The following LACTB variants were observed in gnomAD, a reference collection of about 807,000 sequenced individuals.
The protein encoded by LACTB is lactamase beta, also known as serine beta-lactamase-like protein LACTB, mitochondrial.
In LACTB, 35 loss-of-function variants were observed where a neutral mutation model predicts 50.2. The observed-to-expected ratio is 0.70, with a 90% CI of 0.53 to 0.92. LACTB has a LOEUF of 0.92. Ranked by LOEUF, LACTB falls within the 40% of genes least tolerant of loss-of-function variation. The pLI, the probability that LACTB is intolerant of heterozygous loss-of-function variation, is 0.00. For synonymous variants in LACTB, 252 were observed against 268.2 expected, an observed-to-expected ratio of 0.94 and a Z score of 0.59; for missense variants, 664 against 691.8, an observed-to-expected ratio of 0.96 and a Z score of 0.45.
At chr15:63,128,461 A>G (rs2729823) in intron 4 of LACTB, among the ~76,000 whole-genome samples, 114,235 of 151,826 alleles carry the variant, frequency 0.75, 43,356 homozygotes, top group East Asian at 1. Flanking sequence ...AGCCAGGTTC[A>G]GTGGCCTGTG....
chr15:63,133,743 T>C (rs749434251), intron 5 of LACTB, among the ~76,000 whole-genome samples: 7 of 152,242 alleles, frequency 4.6e-5, no homozygotes, highest in Non-Finnish European at 7.3e-5. Context: ...ACAGATTTCT[T>C]GTCTGAACTG....
chr15:63,134,332 A>C (rs1048755719), intron 5 of LACTB, among the ~76,000 whole-genome samples: 2 of 152,184 alleles, frequency 1.3e-5, no homozygotes, highest in South Asian at 4.1e-4. Flanking sequence ...AGGGGCACCA[A>C]AATGCAGTGG....
intron 2 of LACTB, among the ~76,000 whole-genome samples, chr15:63,126,332 G>C (rs1381262087): frequency 6.6e-6 from 1 of 152,100 alleles, no homozygotes; most frequent in Non-Finnish European, 1.5e-5. Flanking sequence ...AGTAGAGACG[G>C]GGTTTTACCA....
chr15:63,130,462 C>T (rs977570952), intron 5 of LACTB: 6 of 147,080 alleles, frequency 4.1e-5, no homozygotes, highest in African/African-American at 1.5e-4. Flanking sequence ...AAGCCAAGAT[C>T]GTGCCCCTGC....
At chr15:63,128,280 T>C (rs1206489630) in intron 4 of LACTB, among the ~76,000 whole-genome samples, 2 of 152,206 alleles carry the variant, frequency 1.3e-5, no homozygotes, top group African/African-American at 2.4e-5. Context: ...AAATAAGATA[T>C]AATTATGGAT....
At chr15:63,123,305 G>A (rs1018510521) in intron 2 of LACTB, among the ~76,000 whole-genome samples, 1 of 152,172 alleles carries the variant, frequency 6.6e-6, no homozygotes, top group African/African-American at 2.4e-5. Flanking sequence ...AGTACTTGCA[G>A]GTAACACTTA....
intron 5 of LACTB, among the ~76,000 whole-genome samples, chr15:63,134,968 G>A (rs910285638): frequency 6.6e-6 from 1 of 152,190 alleles, no homozygotes; most frequent in Non-Finnish European, 1.5e-5. Flanking sequence ...ATTTGTGAAA[G>A]GGGCTTTGGA....
chr15:63,122,041 C>G lies in LACTB; in HGVS notation c.170C>G (p.Ala57Gly), dbSNP rs1009327150. The G allele has an allele frequency of 2.1e-6, 3 of 1,420,434 alleles. No homozygotes were observed. Among genetic ancestry groups the G allele is most frequent in the Non-Finnish European group, 2.7e-6 (3 of 1,095,952 alleles). The allele number at this position is 1,420,434 out of a possible 1,614,324, so 88.0% of individuals were successfully genotyped here. ...GLGLALGVKL[A>G]GGLRGAAPAQ... ...GGGCTGGCGCTCGGGGTGAAGCTGG[C>G]AGGTGGGCTGAGGGGCGCGGCCCCG... The change falls in exon 1 of 6, where the codon GCA (alanine) becomes GGA (glycine). Residue 57 changes from alanine (A) to glycine (G), a missense_variant. Coordinates refer to ENST00000261893, the MANE Select transcript of LACTB (RefSeq NM_032857.5).
chr15:63,122,084 C>T lies in LACTB; in HGVS notation c.213C>T (p.Ala71=), dbSNP rs1279526515. The change falls in exon 1 of 6, where the codon GCC becomes GCT. Residue 71 remains alanine (A), a synonymous_variant. Transcript: ENST00000261893. ...CGGCCCCGGCGCAGTCCCCCGCGGCCCCCGACCCTGAGGCGTCGCCTCTGG... is the reference window on the plus strand; with the variant it reads ...CGGCCCCGGCGCAGTCCCCCGCGGCTCCCGACCCTGAGGCGTCGCCTCTGG... The part of the protein sequence containing the change: ...RGAAPAQSPA[A]PDPEASPLAE... The T allele has an allele frequency of 4.1e-6, 6 of 1,461,060 alleles. No individual in the cohort carries two copies. In the Admixed American group the frequency reaches 1.0e-4, roughly 24 times the overall value. 90.5% of individuals were successfully genotyped at this position (1,461,060 alleles called of 1,614,324 possible).
intron 5 of LACTB, among the ~76,000 whole-genome samples, chr15:63,139,268 A>AGG (rs1298346257): frequency 6.6e-6 from 1 of 151,850 alleles, no homozygotes; most frequent in African/African-American, 2.4e-5. Flanking sequence ...GGGGAGGCTG[A>AGG]GGCAGGAGAA....
Position 63,141,265 on chromosome 15 carries a change from C to G in LACTB, c.1119-15C>G. ...ACTATGAAATTTTTCATGATCATTT[C>G]TTATTTCCTTTTAGATTTTATGTTT... On this transcript the variant is annotated splice_polypyrimidine_tract_variant and intron_variant, in intron 5 of 5. Coordinates refer to ENST00000261893, the MANE Select transcript of LACTB (RefSeq NM_032857.5). 6.4e-7 allele frequency: 1 copy of G among 1,572,050 alleles called. No individual in the cohort carries two copies.
Position 63,127,614 on chromosome 15 carries a change from T to C in LACTB, c.877T>C (p.Tyr293His). Reference protein sequence around the residue: ...KKNDFEQGELYLREKFENSIE... With the variant: ...KKNDFEQGELHLREKFENSIE... ...GAATGATTTTGAACAAGGCGAATTA[T>C]ATTTGAGAGAAAAGTTTGAAAATTC... Residue 293 changes from tyrosine (Y) to histidine (H), a missense_variant, in exon 4 of 6, where the codon TAT becomes CAT. Tyr to His is a moderately conservative substitution (Grantham distance 83, BLOSUM62 2). Coordinates refer to ENST00000261893, the MANE Select transcript of LACTB (RefSeq NM_032857.5). 2 of 1,610,864 alleles carry C rather than the reference T, an allele frequency of 1.2e-6. No individual in the cohort carries two copies. The highest frequency in any genetic ancestry group is 2.2e-5 in the South Asian group (2 of 90,076).
intron 5 of LACTB, among the ~76,000 whole-genome samples, chr15:63,136,382 A>G (rs1289953861): frequency 6.6e-6 from 1 of 151,944 alleles, no homozygotes; most frequent in Non-Finnish European, 1.5e-5. Context: ...CTCTAGTGTT[A>G]AGGGTCCCTA....
intron 2 of LACTB, among the ~76,000 whole-genome samples, chr15:63,124,915 C>G (rs2037029536): frequency 6.6e-6 from 1 of 151,930 alleles, no homozygotes; most frequent in African/African-American, 2.4e-5. Flanking sequence ...AGATCGTTCA[C>G]TGCACTCCAG....
chr15:63,139,194 C>CAAAA (rs57605763), intron 5 of LACTB, among the ~76,000 whole-genome samples: 4 of 17,180 alleles, frequency 2.3e-4, no homozygotes, highest in Non-Finnish European at 3.3e-4. Flanking sequence ...ACTAAAAATC[C>CAAAA]AAAAAAAAAA....
At chr15:63,134,842 TCA>T (rs2037162524) in intron 5 of LACTB, among the ~76,000 whole-genome samples, 1 of 132,482 alleles carries the variant, frequency 7.5e-6, no homozygotes. Context: ...GTGTGTGTTT[TCA>T]TTCAGTCAAA....
At chr15:63,124,166 G>C (rs2037017903) in intron 2 of LACTB, among the ~76,000 whole-genome samples, 1 of 152,174 alleles carries the variant, frequency 6.6e-6, no homozygotes. Context: ...CAGAACGCTC[G>C]CAGTCTTGTC....
rs200705826 is a variant in LACTB at position 63,129,686 on chromosome 15, G to T, written c.1118+36G>T. ...ACCTTCTGCTGTGTCTAGCTATATC[G>T]CATCTTAACACTATTTTATTAATTA... On this transcript the variant is annotated intron_variant, in intron 5 of 5. Coordinates refer to ENST00000261893, the MANE Select transcript of LACTB (RefSeq NM_032857.5). The T allele has an allele frequency of 1.3e-5, 19 of 1,424,442 alleles. No homozygotes were observed. In the Admixed American group the frequency reaches 2.6e-4, roughly 19 times the overall value. 88.2% of individuals were successfully genotyped at this position (1,424,442 alleles called of 1,614,324 possible). A position where few individuals can be genotyped will look rare whatever the true frequency, so the allele number is the denominator to read the frequency against.
chr15:63,128,709 A>G (rs1270735339), intron 4 of LACTB, among the ~76,000 whole-genome samples: 1 of 152,172 alleles, frequency 6.6e-6, no homozygotes, highest in Admixed American at 6.5e-5. Context: ...TATTTGAAAC[A>G]AAGTTTGTGT....
Sources: allele counts gnomAD v4.1 joint callset (sites outside exome capture counted in the v4.1 genomes callset), GRCh38; gene constraint gnomAD v4.1.1; transcripts MANE v1.5; gene names NCBI Gene and HGNC (gene_info 2026-07-23, HGNC 2026-07-21).